The following XCR1 variants were observed in gnomAD, a reference collection of about 807,000 sequenced individuals.
XCR1 encodes the protein chemokine XC receptor 1.
For missense variants in XCR1, 356 were observed against 424.2 expected (o/e 0.84, Z 1.41); for synonymous variants, 187 against 188.5 (o/e 0.99, Z 0.06).
At chr3:46,031,415 G>A (rs934107270), upstream of XCR1, among the ~76,000 whole-genome samples, 30 of 152,252 alleles carry the variant, frequency 2.0e-4, no homozygotes, top group Non-Finnish European at 4.0e-4. Context: ...AACCTGGCCA[G>A]ATGTGTGCAT....
chr3:46,047,093 C>G (rs1262007343), intron 5 of XCR1, among the ~76,000 whole-genome samples: 1 of 152,172 alleles, frequency 6.6e-6, no homozygotes, highest in African/African-American at 2.4e-5. Context: ...TAATTTTATT[C>G]TGAAGTAGCC....
At chr3:46,065,460 A>G (rs1442149362) in intron 4 of XCR1, among the ~76,000 whole-genome samples, 2 of 152,186 alleles carry the variant, frequency 1.3e-5, no homozygotes, top group African/African-American at 4.8e-5. Flanking sequence ...CCACTCTACA[A>G]CAAGCTCCGG....
upstream of XCR1, among the ~76,000 whole-genome samples, chr3:46,029,625 C>T (rs1708362623): frequency 6.6e-6 from 1 of 152,152 alleles, no homozygotes; most frequent in Non-Finnish European, 1.5e-5. Flanking sequence ...CAAAAATTAA[C>T]TCAAAATGGA....
intron 1 of XCR1, among the ~76,000 whole-genome samples, chr3:46,078,830 C>G (rs559483800): frequency 1.4e-4 from 22 of 152,202 alleles, no homozygotes; most frequent in Non-Finnish European, 2.6e-4. Flanking sequence ...TGCAGAGTCT[C>G]TGCAGACTTT....
chr3:46,042,620 G>A (rs751967064), intron 5 of XCR1, among the ~76,000 whole-genome samples: 1 of 152,286 alleles, frequency 6.6e-6, no homozygotes, highest in Non-Finnish European at 1.5e-5. Flanking sequence ...AAAACTGACT[G>A]AAGAAGAAAT....
chr3:46,080,842 C>T (rs1415498242), intron 1 of XCR1, among the ~76,000 whole-genome samples: 3 of 152,100 alleles, frequency 2.0e-5, no homozygotes, highest in African/African-American at 7.2e-5. Context: ...GGAAACCATC[C>T]CCTCTTGTTT....
intron 5 of XCR1, among the ~76,000 whole-genome samples, chr3:46,038,189 T>C (rs1226801429): frequency 5.3e-5 from 8 of 151,894 alleles, no homozygotes. Flanking sequence ...CACCATGCCT[T>C]GTATTTTTCT....
intron 4 of XCR1, among the ~76,000 whole-genome samples, chr3:46,055,258 A>G (rs1343298325): frequency 6.6e-6 from 1 of 152,192 alleles, no homozygotes; most frequent in Non-Finnish European, 1.5e-5. Context: ...AGGATTTCTG[A>G]TGTTAGAATC....
At chr3:46,078,667 T>C (rs1206106163) in intron 1 of XCR1, among the ~76,000 whole-genome samples, 1 of 152,220 alleles carries the variant, frequency 6.6e-6, no homozygotes, top group Non-Finnish European at 1.5e-5. Context: ...TCCTATTGTT[T>C]GAAATTCAGA....
chr3:46,051,372 A>G (rs1298016042), intron 5 of XCR1, among the ~76,000 whole-genome samples: 1 of 152,244 alleles, frequency 6.6e-6, no homozygotes, highest in Non-Finnish European at 1.5e-5. Flanking sequence ...GTCCATCCAG[A>G]CCAAGACAAG....
At chr3:46,023,234 C>T (rs538014577) in intron 1 of XCR1, 31 of 583,114 alleles carry the variant, frequency 5.3e-5, no homozygotes, top group Non-Finnish European at 8.8e-5. Flanking sequence ...CGTCGCGCTC[C>T]CCTGCGATCC....
chr3:46,022,168 G>A (rs980005559), intron 1 of XCR1, 190 bp from the exon 2 acceptor site: 1 of 515,594 alleles, frequency 1.9e-6, no homozygotes, highest in African/African-American at 1.9e-5. Flanking sequence ...GGGTGTGGTG[G>A]CGCATGCCTA....
chr3:46,022,604 GAACT>G (rs1464605343), intron 1 of XCR1, among the ~76,000 whole-genome samples: 1 of 152,212 alleles, frequency 6.6e-6, no homozygotes, highest in Non-Finnish European at 1.5e-5. Flanking sequence ...ATCATGGCCT[GAACT>G]AATATTTCTT....
Position 46,023,182 on chromosome 3 carries a change from G to C in XCR1, c.-31-1204C>G. 6.7e-6 allele frequency: 3 copies of C among 449,894 alleles called. No homozygotes were observed. In the South Asian group the frequency reaches 1.2e-4, roughly 18 times the overall value. 27.9% of individuals were successfully genotyped at this position (449,894 alleles called of 1,614,324 possible). ...TGGCGCGGGGCCTGAGGAGGAAGTG[G>C]AGAGATTGTTGCTCCCTCTGCGCCC... is the stretch of plus-strand genomic sequence containing the variant. On this transcript the variant is annotated intron_variant, in intron 1 of 1. Coordinates refer to ENST00000309285, the MANE Select transcript of XCR1 (RefSeq NM_001024644.2).
chr3:46,069,655 TA>T (rs1456529517), intron 3 of XCR1, among the ~76,000 whole-genome samples: 1 of 152,186 alleles, frequency 6.6e-6, no homozygotes, highest in Non-Finnish European at 1.5e-5. Context: ...ATTCTTACAA[TA>T]AAGTAAGCTA....
At chr3:46,080,064 A>G (rs958453167) in intron 1 of XCR1, among the ~76,000 whole-genome samples, 3 of 144,560 alleles carry the variant, frequency 2.1e-5, no homozygotes, top group African/African-American at 7.8e-5. Context: ...ATTATTTTGA[A>G]CAGTTAAAAA....
intron 4 of XCR1, among the ~76,000 whole-genome samples, chr3:46,055,011 G>A (rs1697828611): frequency 6.6e-6 from 1 of 152,200 alleles, no homozygotes; most frequent in African/African-American, 2.4e-5. Flanking sequence ...AACTCAGGGT[G>A]GGAGGAAGAA....
chr3:46,028,307 A>G (rs1708337276), upstream of XCR1, among the ~76,000 whole-genome samples: 1 of 152,142 alleles, frequency 6.6e-6, no homozygotes, highest in Non-Finnish European at 1.5e-5. Flanking sequence ...AGTAGGAGAC[A>G]GTTTTTCCAC....
rs1265752375 is a variant in XCR1 at position 46,017,092 on chromosome 3, T to C, written c.*3854A>G. On this transcript the variant is annotated 3_prime_UTR_variant, in exon 2 of 2. Transcript: ENST00000309285. Reference sequence around the variant, plus strand: ...TTCATACTTATCTGGGACAGAATGATCAACAAAGCAAGTAGTTTTACATAC... The same window carrying C: ...TTCATACTTATCTGGGACAGAATGACCAACAAAGCAAGTAGTTTTACATAC... 6.6e-6 allele frequency: 1 copy of C among 152,228 alleles called. No individual in the cohort carries two copies. The highest frequency in any genetic ancestry group is 6.5e-5 in the Admixed American group (1 of 15,288). The allele number at this position is 152,228 out of a possible 1,614,324, so 9.4% of individuals were successfully genotyped here.
Sources: allele counts gnomAD v4.1 joint callset (sites outside exome capture counted in the v4.1 genomes callset), GRCh38; gene constraint gnomAD v4.1.1; transcripts MANE v1.5; gene names NCBI Gene and HGNC (gene_info 2026-07-23, HGNC 2026-07-21).